The following GNAQ variants were observed in gnomAD, a reference collection of about 807,000 sequenced individuals.
GNAQ encodes the protein G protein subunit alpha q, also known as guanine nucleotide-binding protein G(q) subunit alpha.
GNAQ carries 8 observed loss-of-function variants against 43.9 expected under a neutral mutation model. The observed-to-expected ratio is 0.18, with a 90% CI of 0.11 to 0.33. The LOEUF (loss-of-function observed/expected upper bound fraction) is 0.33. Ranked by LOEUF, GNAQ falls within the 10% of genes least tolerant of loss-of-function variation. The probability of loss-of-function intolerance (pLI) is 1.00; values close to 1 mark genes in which losing one functional copy is unlikely to be tolerated. For missense variants in GNAQ, 158 were observed against 450.8 expected (o/e 0.35, Z 5.88); for synonymous variants, 155 against 170.7 (o/e 0.91, Z 0.71).
intron 6 of GNAQ, among the ~76,000 whole-genome samples, chr9:77,727,848 T>C (rs989946249): frequency 2.6e-5 from 4 of 152,036 alleles, no homozygotes; most frequent in African/African-American, 7.2e-5. Flanking sequence ...AACTTCAAAA[T>C]TGTGTTCCTC....
chr9:77,892,442 C>A (rs770574658), intron 2 of GNAQ, among the ~76,000 whole-genome samples: 14 of 152,186 alleles, frequency 9.2e-5, no homozygotes, highest in Non-Finnish European at 1.9e-4. Flanking sequence ...AGGTTCAATA[C>A]TGGTTTCTAT....
chr9:77,818,735 C>T (rs1370338416), intron 2 of GNAQ, among the ~76,000 whole-genome samples: 1 of 152,112 alleles, frequency 6.6e-6, no homozygotes, highest in Non-Finnish European at 1.5e-5. Flanking sequence ...CATGCTGGCT[C>T]ATGCCTGTAA....
chr9:77,984,112 G>GC (rs1256935580), intron 1 of GNAQ, among the ~76,000 whole-genome samples: 3 of 146,054 alleles, frequency 2.1e-5, no homozygotes, highest in African/African-American at 7.6e-5. Flanking sequence ...GGCAGGTAGG[G>GC]CACAAGCAGA....
At chr9:77,910,238 G>GAGA (rs1458153830) in intron 2 of GNAQ, among the ~76,000 whole-genome samples, 1 of 152,150 alleles carries the variant, frequency 6.6e-6, no homozygotes, top group African/African-American at 2.4e-5. Flanking sequence ...GCGTAAAAAT[G>GAGA]AGAAGGAAAT....
chr9:77,725,287 G>C (rs1006539580), intron 6 of GNAQ, among the ~76,000 whole-genome samples: 1 of 152,000 alleles, frequency 6.6e-6, no homozygotes, highest in African/African-American at 2.4e-5. Flanking sequence ...ATGTGGAAAG[G>C]GTAATTTCCT....
chr9:77,784,168 A>T (rs562600908), intron 5 of GNAQ, among the ~76,000 whole-genome samples: 1 of 152,002 alleles, frequency 6.6e-6, no homozygotes, highest in Admixed American at 6.6e-5. Flanking sequence ...CCTGCCAGAG[A>T]TCCATTTTGG....
intron 1 of GNAQ, among the ~76,000 whole-genome samples, chr9:77,929,312 G>C (rs1829113511): frequency 6.6e-6 from 1 of 152,118 alleles, no homozygotes; most frequent in Admixed American, 6.5e-5. Context: ...AGATTCTGCT[G>C]GTTGACAGCT....
intron 5 of GNAQ, among the ~76,000 whole-genome samples, chr9:77,733,299 T>A (rs1274800520): frequency 1.3e-5 from 2 of 152,168 alleles, no homozygotes; most frequent in Non-Finnish European, 2.9e-5. Context: ...ATTCTCAAGA[T>A]CTCCGATATC....
At position 77,966,029 on chromosome 9, in the gene GNAQ, A is replaced by G. The variant is rs77574511; in HGVS notation, c.137-43684T>C. On this transcript the variant is annotated intron_variant, in intron 1 of 6. Transcript: ENST00000286548. ...AAGGAGCGAACTATTGACACACAAC[A>G]ACATAAATGAATCTAAAAATGACTG... 2.8e-3 allele frequency among the ~76,000 whole-genome samples: 428 copies of G among 152,194 alleles called. 8 individuals carry two copies. In the East Asian group the frequency reaches 0.067, roughly 24 times the overall value.
chr9:77,976,313 C>T lies in GNAQ; in HGVS notation c.137-53968G>A, dbSNP rs1056784722. 4.8e-4 allele frequency among the ~76,000 whole-genome samples: 73 copies of T among 152,146 alleles called. 1 individual carries two copies. Among genetic ancestry groups the T allele is most frequent in the African/African-American group, 1.7e-3 (70 of 41,426 alleles). Reference sequence around the variant, plus strand: ...GGGGTCAGGTGTTAAGAGTCCTAACCAGTGGTAAAAATTGGCAGCCAAAAA... The same window carrying T: ...GGGGTCAGGTGTTAAGAGTCCTAACTAGTGGTAAAAATTGGCAGCCAAAAA... On this transcript the variant is annotated intron_variant, in intron 1 of 6. Transcript: ENST00000286548.
intron 2 of GNAQ, among the ~76,000 whole-genome samples, chr9:77,909,213 G>A (rs1024124749): frequency 6.6e-6 from 1 of 152,204 alleles, no homozygotes; most frequent in Non-Finnish European, 1.5e-5. Context: ...AAGGTCAACT[G>A]AAAGGTGAAT....
intron 1 of GNAQ, among the ~76,000 whole-genome samples, chr9:77,948,497 C>T (rs79579645): frequency 0.064 from 9,755 of 152,052 alleles, 349 homozygotes; most frequent in African/African-American, 0.083. Flanking sequence ...GAAGAGGACA[C>T]GGATGAAGGA....
rs556667307 is a variant in GNAQ at position 78,013,322 on chromosome 9, T to C, written c.136+17778A>G. Reference sequence around the variant, plus strand: ...GTTTTTCTTACAAGACTTTTTTTTTTTTTATTATACTTTAAGTTTTAGGGT... The same window carrying C: ...GTTTTTCTTACAAGACTTTTTTTTTCTTTATTATACTTTAAGTTTTAGGGT... On this transcript the variant is annotated intron_variant, in intron 1 of 6. Coordinates refer to ENST00000286548, the MANE Select transcript of GNAQ (RefSeq NM_002072.5). 1.8e-4 allele frequency among the ~76,000 whole-genome samples: 27 copies of C among 152,280 alleles called. No homozygotes were observed. In the East Asian group the frequency reaches 5.0e-3, roughly 28 times the overall value.
intron 5 of GNAQ, among the ~76,000 whole-genome samples, chr9:77,762,305 T>C (rs1587904652): frequency 8.3e-6 from 1 of 120,754 alleles, no homozygotes; most frequent in South Asian, 2.8e-4. Flanking sequence ...GGTGGGGGGG[T>C]CAGCCCCCCG....
chr9:77,850,512 G>A (rs713173), intron 2 of GNAQ, among the ~76,000 whole-genome samples: 12,658 of 152,114 alleles, frequency 0.083, 626 homozygotes, highest in South Asian at 0.17. Context: ...ACAGTGTGAT[G>A]GAATGATTTC....
intron 1 of GNAQ, among the ~76,000 whole-genome samples, chr9:77,936,922 T>A (rs1415620668): frequency 6.6e-6 from 1 of 152,212 alleles, no homozygotes; most frequent in Non-Finnish European, 1.5e-5. Flanking sequence ...CAAACTAGAG[T>A]TGAGAATATA....
intron 1 of GNAQ, among the ~76,000 whole-genome samples, chr9:78,010,965 T>C (rs899432845): frequency 6.6e-6 from 1 of 152,164 alleles, no homozygotes; most frequent in African/African-American, 2.4e-5. Context: ...AGATCTGTTT[T>C]CCCCTCTGAC....
chr9:77,796,354 A>G (rs74710478), intron 4 of GNAQ, among the ~76,000 whole-genome samples: 1,580 of 152,290 alleles, frequency 0.01, 25 homozygotes, highest in African/African-American at 0.031. Context: ...CTTCTGCTTC[A>G]TAACCAATAT....
chr9:77,762,171 G>T (rs866300197), intron 5 of GNAQ, among the ~76,000 whole-genome samples: 5 of 137,598 alleles, frequency 3.6e-5, no homozygotes, highest in South Asian at 4.7e-4. Flanking sequence ...GGAGGTGAGG[G>T]GCGCCTCTGC....
Sources: allele counts gnomAD v4.1 joint callset (sites outside exome capture counted in the v4.1 genomes callset), GRCh38; gene constraint gnomAD v4.1.1; transcripts MANE v1.5; gene names NCBI Gene and HGNC (gene_info 2026-07-23, HGNC 2026-07-21).